The following CACNA2D3 variants were observed in gnomAD, a reference collection of about 807,000 sequenced individuals.
CACNA2D3 encodes voltage-dependent calcium channel subunit alpha-2/delta-3.
Under a neutral mutation model 160.6 loss-of-function variants are expected in CACNA2D3, and 60 were observed. That is an observed-to-expected ratio of 0.37 (90% CI 0.30 to 0.46). The LOEUF (loss-of-function observed/expected upper bound fraction) is 0.46, where lower values mean the gene tolerates loss of function less well. Ranked by LOEUF, CACNA2D3 falls within the 20% of genes least tolerant of loss-of-function variation. CACNA2D3 has a pLI of 1.00. For missense variants in CACNA2D3, 1,205 were observed against 1,365.0 expected (o/e 0.88, Z 1.85); for synonymous variants, 558 against 492.9 (o/e 1.13, Z -1.75).
intron 2 of CACNA2D3, among the ~76,000 whole-genome samples, chr3:54,193,630 A>T (rs1446557656): frequency 6.6e-6 from 1 of 152,200 alleles, no homozygotes; most frequent in African/African-American, 2.4e-5. Context: ...GTGGGTGGCT[A>T]TCTAACCTGG....
Position 54,384,391 on chromosome 3 carries a change from C to A in CACNA2D3, c.322-2324C>A, listed in dbSNP as rs182073669. On this transcript the variant is annotated intron_variant, in intron 3 of 37. Transcript: ENST00000474759. ...ATTTCATGATACATGCACAGAAATT[C>A]TAAATCTGTTACAAAGATTAAGAGA... 2.4e-4 allele frequency among the ~76,000 whole-genome samples: 36 copies of A among 152,276 alleles called. 1 individual carries two copies. The East Asian group carries it at 5.4e-3, about 23-fold the overall frequency.
chr3:54,618,561 C>T (rs927092228), intron 9 of CACNA2D3, among the ~76,000 whole-genome samples: 29 of 152,114 alleles, frequency 1.9e-4, no homozygotes, highest in Middle Eastern at 3.4e-3. Flanking sequence ...TTTTATAAAA[C>T]GCTACAAATC....
intron 11 of CACNA2D3, among the ~76,000 whole-genome samples, chr3:54,739,425 CAAAAA>C (rs780105524): frequency 1.2e-5 from 1 of 85,324 alleles, no homozygotes; most frequent in Non-Finnish European, 2.2e-5. Flanking sequence ...GACTCTGTCT[CAAAAA>C]AAAAAAAAAA....
intron 11 of CACNA2D3, among the ~76,000 whole-genome samples, chr3:54,716,824 T>C (rs547591309): frequency 1.3e-5 from 2 of 152,264 alleles, no homozygotes; most frequent in African/African-American, 2.4e-5. Context: ...GCCTTTCACA[T>C]AGCATAATAA....
At chr3:54,281,392 G>T (rs1468866752) in intron 2 of CACNA2D3, among the ~76,000 whole-genome samples, 5 of 152,116 alleles carry the variant, frequency 3.3e-5, no homozygotes, top group Non-Finnish European at 7.4e-5. Context: ...GCCTGTGTCA[G>T]ACCACGTGGG....
intron 3 of CACNA2D3, among the ~76,000 whole-genome samples, chr3:54,355,567 A>T (rs932875614): frequency 1.3e-5 from 2 of 152,156 alleles, no homozygotes; most frequent in African/African-American, 4.8e-5. Flanking sequence ...TGTGTTGGCC[A>T]TGGGGGAAGG....
intron 11 of CACNA2D3, among the ~76,000 whole-genome samples, chr3:54,671,856 T>C (rs1237496317): frequency 1.3e-5 from 2 of 152,156 alleles, no homozygotes; most frequent in Non-Finnish European, 2.9e-5. Flanking sequence ...AGGAGTTAAG[T>C]AATTGACCAC....
chr3:54,224,634 A>G (rs1701636744), intron 2 of CACNA2D3, among the ~76,000 whole-genome samples: 1 of 152,226 alleles, frequency 6.6e-6, no homozygotes, highest in Non-Finnish European at 1.5e-5. Flanking sequence ...GAATATTTCA[A>G]GAACCTTGGA....
intron 9 of CACNA2D3, among the ~76,000 whole-genome samples, chr3:54,620,983 C>CTT (rs1480429080): frequency 3.3e-5 from 5 of 152,230 alleles, no homozygotes; most frequent in Admixed American, 3.3e-4. Flanking sequence ...CTTCTGAAGC[C>CTT]TTCCCATGGT....
intron 2 of CACNA2D3, among the ~76,000 whole-genome samples, chr3:54,198,724 CG>C (rs997080574): frequency 2.0e-4 from 30 of 152,370 alleles, no homozygotes; most frequent in African/African-American, 7.0e-4. Context: ...CCTCAGGCCC[CG>C]GGGGGTTACT....
At chr3:54,724,133 A>G (rs540944808) in intron 11 of CACNA2D3, among the ~76,000 whole-genome samples, 1 of 152,324 alleles carries the variant, frequency 6.6e-6, no homozygotes, top group East Asian at 1.9e-4. Context: ...GTCTGATAAA[A>G]CAGACTTTAA....
chr3:54,590,800 A>C (rs1702844398), intron 9 of CACNA2D3, among the ~76,000 whole-genome samples: 1 of 152,120 alleles, frequency 6.6e-6, no homozygotes, highest in African/African-American at 2.4e-5. Context: ...CAAAATAAAA[A>C]GTGTAATTAA....
chr3:54,667,768 G>T (rs1336085304), intron 11 of CACNA2D3, among the ~76,000 whole-genome samples: 2 of 152,072 alleles, frequency 1.3e-5, no homozygotes, highest in African/African-American at 4.8e-5. Context: ...AACATAGGGA[G>T]ACCCAGTCCC....
chr3:54,699,052 G>A (rs1330281511), intron 11 of CACNA2D3, among the ~76,000 whole-genome samples: 2 of 152,216 alleles, frequency 1.3e-5, no homozygotes, highest in African/African-American at 2.4e-5. Context: ...TGCTGACAGT[G>A]TGCTTCATTG....
chr3:54,355,134 G>A (rs913700875), intron 3 of CACNA2D3, among the ~76,000 whole-genome samples: 3 of 152,220 alleles, frequency 2.0e-5, no homozygotes. Flanking sequence ...TCTTTAGAGT[G>A]GGAGATCAGG....
At chr3:54,621,598 G>A (rs940163070) in intron 9 of CACNA2D3, among the ~76,000 whole-genome samples, 1 of 152,196 alleles carries the variant, frequency 6.6e-6, no homozygotes, top group African/African-American at 2.4e-5. Flanking sequence ...TATTTTAATT[G>A]AGAAAAATAA....
intron 2 of CACNA2D3, among the ~76,000 whole-genome samples, chr3:54,257,212 T>C (rs550749908): frequency 6.6e-6 from 1 of 152,232 alleles, no homozygotes; most frequent in Admixed American, 6.5e-5. Context: ...ATTACTCTTA[T>C]TGATGGATTG....
intron 2 of CACNA2D3, among the ~76,000 whole-genome samples, chr3:54,250,226 A>G (rs1702161245): frequency 6.6e-6 from 1 of 152,196 alleles, no homozygotes. Flanking sequence ...GATAAGTGAC[A>G]AACACAGAAC....
intron 11 of CACNA2D3, among the ~76,000 whole-genome samples, chr3:54,748,389 T>G (rs996870051): frequency 6.6e-6 from 1 of 152,206 alleles, no homozygotes; most frequent in African/African-American, 2.4e-5. Flanking sequence ...TGAAAAAATC[T>G]GGATGAGTTT....
Sources: gnomAD v4.1 joint callset for allele counts (sites outside exome capture counted in the v4.1 genomes callset) on GRCh38, gnomAD v4.1.1 for gene constraint, MANE v1.5 for transcripts, NCBI Gene and HGNC (gene_info 2026-07-23, HGNC 2026-07-21) for gene names.